The following SPINK9 variants were observed in gnomAD, a reference collection of about 807,000 sequenced individuals.
SPINK9 encodes serine peptidase inhibitor Kazal type 9.
SPINK9 carries 3 observed loss-of-function variants against 10.8 expected under a neutral mutation model. That is an observed-to-expected ratio of 0.28 (90% CI 0.13 to 0.72). The LOEUF (loss-of-function observed/expected upper bound fraction) is 0.72. SPINK9 is among the 30% of genes least tolerant of loss of function. The probability of loss-of-function intolerance (pLI) is 0.74; values close to 1 mark genes in which losing one functional copy is unlikely to be tolerated. For synonymous variants in SPINK9, 30 were observed against 31.2 expected (o/e 0.96, Z 0.12); for missense variants, 101 against 103.2 (o/e 0.98, Z 0.09).
At chr5:148,334,869 T>C (rs899450534), upstream of SPINK9, among the ~76,000 whole-genome samples, 1 of 152,092 alleles carries the variant, frequency 6.6e-6, no homozygotes, top group Admixed American at 6.6e-5. Context: ...AGCCAAGGCT[T>C]ATAGCGGATA....
intron 2 of SPINK9, among the ~76,000 whole-genome samples, chr5:148,329,421 C>T (rs867018080): frequency 2.0e-5 from 3 of 151,686 alleles, no homozygotes; most frequent in Admixed American, 6.6e-5. Flanking sequence ...TCTTGCTAGC[C>T]GTCTATCAAT....
intron 2 of SPINK9, among the ~76,000 whole-genome samples, chr5:148,329,271 A>G (rs1300370329): frequency 6.6e-6 from 1 of 152,160 alleles, no homozygotes; most frequent in African/African-American, 2.4e-5. Flanking sequence ...CCTGTCTTCT[A>G]GATTTTCTAG....
At chr5:148,328,858 T>C (rs1757106503) in intron 2 of SPINK9, among the ~76,000 whole-genome samples, 1 of 152,206 alleles carries the variant, frequency 6.6e-6, no homozygotes, top group Non-Finnish European at 1.5e-5. Context: ...GAAGCCCACT[T>C]GATCATGGTG....
At chr5:148,332,962 G>T (rs148780522), upstream of SPINK9, among the ~76,000 whole-genome samples, 1 of 152,086 alleles carries the variant, frequency 6.6e-6, no homozygotes, top group Non-Finnish European at 1.5e-5. Context: ...ATTTAAAGAT[G>T]AGTCTTAAAT....
chr5:148,330,354 C>T (rs1444251098), intron 2 of SPINK9, among the ~76,000 whole-genome samples: 2 of 152,080 alleles, frequency 1.3e-5, no homozygotes, highest in Admixed American at 1.3e-4. Context: ...TTTCCATTTG[C>T]TTGGTAGATC....
intron 2 of SPINK9, among the ~76,000 whole-genome samples, chr5:148,324,726 T>C (rs1408103461): frequency 6.6e-6 from 1 of 151,964 alleles, no homozygotes; most frequent in Non-Finnish European, 1.5e-5. Flanking sequence ...ATTATTATTA[T>C]TATTAATGGG....
At chr5:148,336,518 C>G in intron 2 of SPINK9, 65 bp downstream of exon 2, 1 of 1,438,600 alleles carries the variant, frequency 7.0e-7, no homozygotes, top group South Asian at 1.2e-5. Context: ...ATATTTGATA[C>G]TACACAGTAA....
At chr5:148,328,618 A>G (rs1273201581) in intron 2 of SPINK9, among the ~76,000 whole-genome samples, 1 of 152,208 alleles carries the variant, frequency 6.6e-6, no homozygotes, top group Non-Finnish European at 1.5e-5. Context: ...TTGCCCATTC[A>G]GTATGATATT....
At chr5:148,323,090 T>C (rs1038244442) in intron 1 of SPINK9, among the ~76,000 whole-genome samples, 1 of 152,202 alleles carries the variant, frequency 6.6e-6, no homozygotes, top group African/African-American at 2.4e-5. Context: ...CATGCATATT[T>C]TTAATGTATG....
intron 2 of SPINK9, among the ~76,000 whole-genome samples, chr5:148,325,748 C>T (rs1286961076): frequency 6.6e-6 from 1 of 152,018 alleles, no homozygotes; most frequent in Non-Finnish European, 1.5e-5. Flanking sequence ...TCCAATTTAC[C>T]TATTATATCT....
chr5:148,325,968 A>G (rs1438049787), intron 2 of SPINK9, among the ~76,000 whole-genome samples: 2 of 152,142 alleles, frequency 1.3e-5, no homozygotes, highest in Non-Finnish European at 2.9e-5. Context: ...TTTCGAAAAG[A>G]TTATTCTCCG....
At position 148,336,384 on chromosome 5, in the gene SPINK9, C is replaced by A. The variant is rs770860357; in HGVS notation, c.56-38C>A. 15 of 1,607,838 alleles carry A rather than the reference C, an allele frequency of 9.3e-6. No homozygotes were observed. In the Middle Eastern group the frequency reaches 5.0e-4, roughly 53 times the overall value. On this transcript the variant is annotated intron_variant, in intron 1 of 3. Coordinates refer to ENST00000377906, the MANE Select transcript of SPINK9 (RefSeq NM_001040433.2). ...TTTTTCTAGTAAGATTAGGTTCTTC[C>A]AGAGTTTAATATTGCCTTGTCTTTG...
At chr5:148,330,444 C>T (rs1757133115) in intron 2 of SPINK9, among the ~76,000 whole-genome samples, 2 of 152,144 alleles carry the variant, frequency 1.3e-5, no homozygotes, top group African/African-American at 4.8e-5. Context: ...ACTGATGGGT[C>T]TTGACTCTTT....
chr5:148,327,169 A>G (rs1456760877), intron 2 of SPINK9, among the ~76,000 whole-genome samples: 1 of 152,128 alleles, frequency 6.6e-6, no homozygotes, highest in Non-Finnish European at 1.5e-5. Context: ...CCTCTCCAGC[A>G]CCTGTTGTTT....
At chr5:148,324,827 A>G (rs1438328008) in intron 2 of SPINK9, among the ~76,000 whole-genome samples, 2 of 151,982 alleles carry the variant, frequency 1.3e-5, no homozygotes, top group African/African-American at 4.8e-5. Flanking sequence ...TATAAATTTC[A>G]GTAGTTTCTG....
chr5:148,321,409 G>T (rs960771963), intron 1 of SPINK9: 1 of 151,972 alleles, frequency 6.6e-6, no homozygotes, highest in Non-Finnish European at 1.5e-5. Flanking sequence ...GGGTATCAGT[G>T]ATGGAAGATG....
At chr5:148,335,420 T>A (rs1757203292), upstream of SPINK9, 1 of 519,826 alleles carries the variant, frequency 1.9e-6, no homozygotes, top group Non-Finnish European at 3.5e-6. Flanking sequence ...CAATTACCTG[T>A]CTTTCACAAG....
chr5:148,332,718 A>G (rs959316489), upstream of SPINK9, among the ~76,000 whole-genome samples: 8 of 152,200 alleles, frequency 5.3e-5, no homozygotes, highest in South Asian at 2.1e-4. Flanking sequence ...AGTTCCACTA[A>G]AGTGAAGAGC....
intron 2 of SPINK9, among the ~76,000 whole-genome samples, chr5:148,328,086 T>C: frequency 6.6e-6 from 1 of 152,114 alleles, no homozygotes; most frequent in African/African-American, 2.4e-5. Context: ...AATCTATAAA[T>C]TACCTTGGGC....
Sources: gnomAD v4.1 joint callset for allele counts (sites outside exome capture counted in the v4.1 genomes callset) on GRCh38, gnomAD v4.1.1 for gene constraint, MANE v1.5 for transcripts, NCBI Gene and HGNC (gene_info 2026-07-23, HGNC 2026-07-21) for gene names.